Variants in ERBB4 observed in about 807,000 individuals in gnomAD.
ERBB4 encodes the protein receptor tyrosine-protein kinase erbB-4.
In ERBB4, 42 loss-of-function variants were observed where a neutral mutation model predicts 158.0. That is an observed-to-expected ratio of 0.27 (90% CI 0.21 to 0.34). The LOEUF (loss-of-function observed/expected upper bound fraction) is 0.34, where lower values mean the gene tolerates loss of function less well. Ranked by LOEUF, ERBB4 falls within the 10% of genes least tolerant of loss-of-function variation. The pLI is 1.00. For missense variants in ERBB4, 1,333 were observed against 1,624.1 expected, an observed-to-expected ratio of 0.82 and a Z score of 3.08; for synonymous variants, 583 against 558.7, an observed-to-expected ratio of 1.04 and a Z score of -0.61.
rs1007664166 is a variant in ERBB4 at position 211,380,724 on chromosome 2, T to C, written c.*2891A>G. The C allele has an allele frequency of 1.7e-5, 4 of 231,918 alleles. No individual in the cohort carries two copies. Among genetic ancestry groups the C allele is most frequent in the East Asian group, 6.1e-5 (1 of 16,380 alleles). 14.4% of individuals were successfully genotyped at this position (231,918 alleles called of 1,614,324 possible). On this transcript the variant is annotated 3_prime_UTR_variant, in exon 28 of 28. Transcript: ENST00000342788. ...TCAAAAGAATTATAAAGTGGTGCTA[T>C]TATAAAGCATTTGGGTCATTTTGGA...
At chr2:212,142,743 C>T (rs1575695664) in intron 1 of ERBB4, among the ~76,000 whole-genome samples, 2 of 151,690 alleles carry the variant, frequency 1.3e-5, no homozygotes, top group South Asian at 4.2e-4. Flanking sequence ...AGGCTATGTT[C>T]ACATGGCACA....
intron 1 of ERBB4, among the ~76,000 whole-genome samples, chr2:212,311,516 T>C (rs1232674988): frequency 6.6e-6 from 1 of 150,926 alleles, no homozygotes; most frequent in Non-Finnish European, 1.5e-5. Flanking sequence ...TGTCACTATG[T>C]TTAGCACTGA....
chr2:212,187,547 C>A (rs371680933), intron 1 of ERBB4, among the ~76,000 whole-genome samples: 1 of 151,890 alleles, frequency 6.6e-6, no homozygotes, highest in Non-Finnish European at 1.5e-5. Flanking sequence ...GCTGAAGTAG[C>A]TTACATTAGA....
At chr2:211,439,906 C>A (rs1272409852) in intron 20 of ERBB4, among the ~76,000 whole-genome samples, 1 of 152,124 alleles carries the variant, frequency 6.6e-6, no homozygotes, top group East Asian at 1.9e-4. Context: ...ATTCCTGAGG[C>A]CGACAGAGAT....
chr2:212,362,237 T>A (rs2089714994), intron 1 of ERBB4, among the ~76,000 whole-genome samples: 1 of 151,456 alleles, frequency 6.6e-6, no homozygotes, highest in African/African-American at 2.4e-5. Context: ...GATACTTCCA[T>A]CGGTATACTA....
chr2:212,532,081 C>G (rs908133554), intron 1 of ERBB4, among the ~76,000 whole-genome samples: 1 of 152,138 alleles, frequency 6.6e-6, no homozygotes, highest in Non-Finnish European at 1.5e-5. Flanking sequence ...TGCAACATAA[C>G]CTTTTATTTG....
chr2:212,020,534 G>A (rs1037149057), intron 2 of ERBB4, among the ~76,000 whole-genome samples: 8 of 151,784 alleles, frequency 5.3e-5, no homozygotes, highest in South Asian at 2.1e-4. Flanking sequence ...TGGTATATAC[G>A]TTTGCTCTTT....
At chr2:212,118,988 T>C (rs1315934388) in intron 2 of ERBB4, among the ~76,000 whole-genome samples, 1 of 151,970 alleles carries the variant, frequency 6.6e-6, no homozygotes, top group African/African-American at 2.4e-5. Context: ...CATCTTTATA[T>C]ATTACTTTAT....
chr2:212,460,945 A>G (rs1005367493), intron 1 of ERBB4, among the ~76,000 whole-genome samples: 1 of 152,218 alleles, frequency 6.6e-6, no homozygotes, highest in Non-Finnish European at 1.5e-5. Context: ...CAGGGTCCCC[A>G]TGCTGTTTGC....
intron 1 of ERBB4, among the ~76,000 whole-genome samples, chr2:212,225,704 C>G (rs953085886): frequency 6.6e-6 from 1 of 151,462 alleles, no homozygotes; most frequent in Non-Finnish European, 1.5e-5. Flanking sequence ...TAAATGGGAA[C>G]TTTACATTCA....
chr2:211,404,781 C>CAG (rs1206097912), intron 25 of ERBB4, among the ~76,000 whole-genome samples: 3 of 152,032 alleles, frequency 2.0e-5, no homozygotes, highest in Admixed American at 6.6e-5. Flanking sequence ...CTGAAAAAGG[C>CAG]AGAGAGAGAA....
chr2:212,396,127 A>C (rs571300071), intron 1 of ERBB4, among the ~76,000 whole-genome samples: 1 of 152,286 alleles, frequency 6.6e-6, no homozygotes, highest in South Asian at 2.1e-4. Flanking sequence ...CAGTTGGGAA[A>C]CTACTTGTCT....
At chr2:211,498,758 A>T (rs548574383) in intron 20 of ERBB4, among the ~76,000 whole-genome samples, 9 of 152,302 alleles carry the variant, frequency 5.9e-5, no homozygotes, top group African/African-American at 2.2e-4. Context: ...CAATTGACAA[A>T]GAGGCCATAT....
intron 7 of ERBB4, among the ~76,000 whole-genome samples, chr2:211,717,974 T>G (rs115502511): frequency 0.027 from 4,079 of 152,200 alleles, 188 homozygotes; most frequent in African/African-American, 0.091. Context: ...AATTGCATGA[T>G]CCCGACTCAC....
At chr2:211,845,231 C>T (rs773711252) in intron 3 of ERBB4, among the ~76,000 whole-genome samples, 9 of 151,944 alleles carry the variant, frequency 5.9e-5, no homozygotes, top group Non-Finnish European at 1.0e-4. Context: ...CTAGACAAAT[C>T]AAATCAGAAA....
chr2:211,571,216 C>T (rs72941357), intron 19 of ERBB4, among the ~76,000 whole-genome samples: 2,852 of 151,882 alleles, frequency 0.019, 45 homozygotes, highest in Middle Eastern at 0.037. Context: ...AAATACTACC[C>T]GGGCTTTGGC....
chr2:211,992,833 C>T (rs2082112481), intron 2 of ERBB4, among the ~76,000 whole-genome samples: 1 of 152,120 alleles, frequency 6.6e-6, no homozygotes, highest in Admixed American at 6.6e-5. Context: ...GCTCCAAAGA[C>T]AAAGTCTTAT....
intron 20 of ERBB4, among the ~76,000 whole-genome samples, chr2:211,552,874 C>T (rs2067138076): frequency 6.6e-6 from 1 of 152,082 alleles, no homozygotes; most frequent in Admixed American, 6.6e-5. Context: ...TTTTTCTTTG[C>T]TCCTCTTCAG....
chr2:212,310,618 T>C (rs866666649), intron 1 of ERBB4, among the ~76,000 whole-genome samples: 6,548 of 132,002 alleles, frequency 0.05, 209 homozygotes, highest in Non-Finnish European at 0.067. Context: ...TATGTGTGTG[T>C]GTGTGTGTGT....
Sources: allele counts gnomAD v4.1 joint callset (sites outside exome capture counted in the v4.1 genomes callset), GRCh38; gene constraint gnomAD v4.1.1; transcripts MANE v1.5; gene names NCBI Gene and HGNC (gene_info 2026-07-23, HGNC 2026-07-21).